Variants in TMC2 observed in about 807,000 individuals in gnomAD.
TMC2 encodes the protein transmembrane channel-like protein 2.
A neutral mutation model predicts 105.9 loss-of-function variants in TMC2; 102 were observed. That is an observed-to-expected ratio of 0.96 (90% CI 0.82 to 1.14). TMC2 has a LOEUF of 1.14. TMC2 is among the 50% of genes most tolerant of loss of function. TMC2 has a pLI of 0.00. For synonymous variants in TMC2, 402 were observed against 422.8 expected, an observed-to-expected ratio of 0.95 and a Z score of 0.60; for missense variants, 1,093 against 1,134.3, an observed-to-expected ratio of 0.96 and a Z score of 0.52.
intron 3 of TMC2, among the ~76,000 whole-genome samples, chr20:2,560,038 G>A (rs568786914): frequency 6.6e-6 from 1 of 152,254 alleles, no homozygotes; most frequent in South Asian, 2.1e-4. Flanking sequence ...CCTAAGACAA[G>A]GCAGAAAGCA....
chr20:2,589,213 A>G (rs2086250954), intron 7 of TMC2, among the ~76,000 whole-genome samples: 1 of 150,302 alleles, frequency 6.7e-6, no homozygotes, highest in Non-Finnish European at 1.5e-5. Context: ...TCTGAGTAAA[A>G]TCTTCCCAGG....
chr20:2,620,048 C>T (rs1219233416), intron 16 of TMC2, among the ~76,000 whole-genome samples: 2 of 151,936 alleles, frequency 1.3e-5, no homozygotes, highest in Non-Finnish European at 1.5e-5. Context: ...CACTGCACTC[C>T]AGCCTGGGCA....
rs532046758 is a variant in TMC2, at chr20:2,582,389, A to G, written c.834+2333A>G. Among the ~76,000 whole-genome samples the G allele has an allele frequency of 6.8e-4, 103 of 152,312 alleles. 1 individual carries two copies. Among genetic ancestry groups the G allele is most frequent in the African/African-American group, 2.2e-3 (93 of 41,558 alleles). On this transcript the variant is annotated intron_variant, in intron 7 of 19. Coordinates refer to ENST00000358864, the MANE Select transcript of TMC2 (RefSeq NM_080751.3). ...TCAGAGATATCCCCACGACCCATGG[A>G]TGTTTTAAAATGAAGCATAGTGAAC...
At chr20:2,624,501 C>T in intron 17 of TMC2, 105 bp downstream of exon 17, 1 of 1,295,834 alleles carries the variant, frequency 7.7e-7, no homozygotes, top group Non-Finnish European at 1.1e-6. Flanking sequence ...CTGCACTCCC[C>T]AGAAGCAGAA....
At chr20:2,549,424 T>A (rs574108490) in intron 2 of TMC2, among the ~76,000 whole-genome samples, 23 of 152,294 alleles carry the variant, frequency 1.5e-4, no homozygotes, top group South Asian at 6.2e-4. Flanking sequence ...GTTGTTGTTG[T>A]TGATGATTTT....
chr20:2,593,396 G>C (rs2086282687), intron 8 of TMC2, among the ~76,000 whole-genome samples: 1 of 152,164 alleles, frequency 6.6e-6, no homozygotes, highest in African/African-American at 2.4e-5. Context: ...TTGGGAATGA[G>C]AATCAATGAA....
rs11698327 is a variant in TMC2 at position 2,579,388 on chromosome 20, A to T, written c.727+161A>T. Reference sequence around the variant, plus strand: ...CTTGTCAGGCCAAGATTTATTTTTTATTTATTTATTTATTTATTTATTTAT... The same window carrying T: ...CTTGTCAGGCCAAGATTTATTTTTTTTTTATTTATTTATTTATTTATTTAT... On this transcript the variant is annotated intron_variant, in intron 6 of 19. Coordinates refer to ENST00000358864, the MANE Select transcript of TMC2 (RefSeq NM_080751.3). Among the ~76,000 whole-genome samples, 338 of 110,204 alleles carry T rather than the reference A, an allele frequency of 3.1e-3. 1 individual carries two copies. Among genetic ancestry groups the T allele is most frequent in the African/African-American group, 7.9e-3 (197 of 24,786 alleles). 72.3% of individuals were successfully genotyped at this position (110,204 alleles called of 152,430 possible).
intron 17 of TMC2, among the ~76,000 whole-genome samples, chr20:2,627,246 T>C (rs2086571090): frequency 6.6e-6 from 1 of 152,190 alleles, no homozygotes; most frequent in African/African-American, 2.4e-5. Flanking sequence ...TTGGCAGGGC[T>C]TAAAACCCAT....
intron 10 of TMC2, 69 bp from the exon 11 acceptor site, chr20:2,602,044 G>A: frequency 9.1e-7 from 1 of 1,103,106 alleles, no homozygotes; most frequent in Non-Finnish European, 1.3e-6. Flanking sequence ...CTATTTTCAG[G>A]GACCCAACAG....
chr20:2,567,651 C>T (rs1242974133), intron 4 of TMC2, among the ~76,000 whole-genome samples: 3 of 152,112 alleles, frequency 2.0e-5, no homozygotes, highest in African/African-American at 7.2e-5. Context: ...CCCACCTCAG[C>T]CTCGCAAGAC....
chr20:2,639,905 A>G (rs944364597), intron 19 of TMC2, among the ~76,000 whole-genome samples: 1 of 152,228 alleles, frequency 6.6e-6, no homozygotes, highest in African/African-American at 2.4e-5. Flanking sequence ...AAAATTAAAC[A>G]GTGTCTGCAC....
At position 2,592,359 on chromosome 20, in the gene TMC2, G is replaced by A. The variant is rs1015945273; in HGVS notation, c.884G>A (p.Arg295Gln). The change falls in exon 8 of 20, where the codon CGG (arginine) becomes CAG (glutamine). Residue 295 changes from arginine to glutamine, a missense_variant. Arg to Gln is a conservative substitution (Grantham distance 43, BLOSUM62 1). Coordinates refer to ENST00000358864, the MANE Select transcript of TMC2 (RefSeq NM_080751.3). The surrounding 1 kb of genome is among the most constrained non-coding windows in gnomAD (Gnocchi z 4.9). ...YGSIPRKTVPRAEEEKAMDFS... is the reference protein window; with the variant it reads ...YGSIPRKTVPQAEEEKAMDFS... Reference sequence around the variant, plus strand: ...AGTATTCCCAGAAAGACAGTGCCTCGGGCTGAGGAAGAAAAGGCCATGGAT... The same window carrying A: ...AGTATTCCCAGAAAGACAGTGCCTCAGGCTGAGGAAGAAAAGGCCATGGAT... The A allele has an allele frequency of 1.6e-5, 26 of 1,613,920 alleles. No homozygotes were observed. The highest frequency in any genetic ancestry group is 6.7e-5 in the East Asian group (3 of 44,880).
At position 2,616,970 on chromosome 20, in the gene TMC2, C is replaced by T. The variant is rs1375849076; in HGVS notation, c.1941-102C>T. 4.3e-6 allele frequency: 6 copies of T among 1,394,494 alleles called. No homozygotes were observed. Among genetic ancestry groups the T allele is most frequent in the South Asian group, 2.6e-5 (2 of 76,630 alleles). The allele number at this position is 1,394,494 out of a possible 1,614,324, so 86.4% of individuals were successfully genotyped here. A position where few individuals can be genotyped will look rare whatever the true frequency, so the allele number is the denominator to read the frequency against. ...CTGGGGACTTGCCAGGAAAGCAGCT[C>T]GGCCTCATGCCCCTAACCCATCCGT... On this transcript the variant is annotated intron_variant, in intron 15 of 19. Transcript: ENST00000358864. This position sits in a 1 kb window ranked among gnomAD's most constrained non-coding sequence, Gnocchi z 4.8.
At chr20:2,560,732 G>T (rs964940998) in intron 3 of TMC2, among the ~76,000 whole-genome samples, 1 of 152,056 alleles carries the variant, frequency 6.6e-6, no homozygotes, top group Non-Finnish European at 1.5e-5. Context: ...AGCTACTCCG[G>T]AGGCTAAGGT....
At position 2,611,886 on chromosome 20, in the gene TMC2, GTGGATGGA is replaced by G. The variant is rs59459136; in HGVS notation, c.1594-270_1594-263del. On this transcript the variant is annotated intron_variant, in intron 12 of 19. Transcript: ENST00000358864. ...GATGGATGGGTGGGTGGGTGGGTGG[GTGGATGGA>G]TGGATGGATGGATGGATGGATGGAT... Among the ~76,000 whole-genome samples, 681 of 87,332 alleles carry G rather than the reference GTGGATGGA, an allele frequency of 7.8e-3. 3 individuals are homozygous for G. The highest frequency in any genetic ancestry group is 0.028 in the African/African-American group (628 of 22,648). 57.3% of individuals were successfully genotyped at this position (87,332 alleles called of 152,430 possible).
chr20:2,610,592 C>T lies in TMC2; in HGVS notation c.1587C>T (p.His529=), dbSNP rs368961379. The T allele has an allele frequency of 4.4e-6, 7 of 1,584,210 alleles. No individual in the cohort carries two copies. The highest frequency in any genetic ancestry group is 1.4e-5 in the African/African-American group (1 of 73,706). Reference sequence around the variant, plus strand: ...TCTTGGCCCTGATGGATGACGTCCACCTCAAGGTAAAAACCACAACACCCC... The same window carrying T: ...TCTTGGCCCTGATGGATGACGTCCATCTCAAGGTAAAAACCACAACACCCC... ...TFLLALMDDV[H]LKLANEETIK... Residue 529 remains histidine (H), a synonymous_variant, in exon 12 of 20, where the codon CAC becomes CAT. Coordinates refer to ENST00000358864, the MANE Select transcript of TMC2 (RefSeq NM_080751.3).
At chr20:2,624,205 T>C (rs1197789518) in intron 16 of TMC2, 66 bp from the exon 17 acceptor site, 2 of 1,550,026 alleles carry the variant, frequency 1.3e-6, no homozygotes, top group Non-Finnish European at 8.8e-7. Context: ...AGGGGGGCCA[T>C]GGACACAGCT....
chr20:2,630,124 G>A (rs1428460333), intron 17 of TMC2, among the ~76,000 whole-genome samples: 1 of 152,164 alleles, frequency 6.6e-6, no homozygotes, highest in African/African-American at 2.4e-5. Flanking sequence ...ATATTTAGAA[G>A]AAGAAGGAAT....
chr20:2,561,919 C>G lies in TMC2; in HGVS notation c.463C>G (p.Gln155Glu). ...GTCCCTGTCCGAGGAGGAACTGGCC[C>G]AGATCCTGGAGCAGGTGGAAGAAAA... is the stretch of plus-strand genomic sequence containing the variant. Reference protein sequence around the residue: ...GESLSEEELAQILEQVEEKKK... With the variant: ...GESLSEEELAEILEQVEEKKK... The change falls in exon 4 of 20, where the codon CAG becomes GAG. Residue 155 changes from glutamine (Q) to glutamate (E), a missense_variant. Transcript: ENST00000358864. 6.2e-7 allele frequency: 1 copy of G among 1,614,250 alleles called. No individual in the cohort carries two copies. Among genetic ancestry groups the G allele is most frequent in the Non-Finnish European group, 8.5e-7 (1 of 1,180,048 alleles).
Sources: gnomAD v4.1 joint callset for allele counts (sites outside exome capture counted in the v4.1 genomes callset) on GRCh38, gnomAD v4.1.1 for gene constraint, Gnocchi (gnomAD v3.1) non-coding constraint, MANE v1.5 for transcripts, NCBI Gene and HGNC (gene_info 2026-07-23, HGNC 2026-07-21) for gene names.